SCN9A: variants seen among roughly 807,000 people sequenced by gnomAD.
SCN9A encodes the protein sodium channel protein type 9 subunit alpha.
Under a neutral mutation model 187.0 loss-of-function variants are expected in SCN9A, and 131 were observed. The observed-to-expected ratio is 0.70, with a 90% CI of 0.61 to 0.81. The LOEUF (loss-of-function observed/expected upper bound fraction) is 0.81. Among genes scored for constraint, SCN9A ranks in the 30% least tolerant of loss-of-function variants. The pLI, the probability that SCN9A is intolerant of heterozygous loss-of-function variation, is 0.00. For synonymous variants in SCN9A, 809 were observed against 808.6 expected (o/e 1.00, Z -0.01); for missense variants, 2,252 against 2,396.6 (o/e 0.94, Z 1.26).
rs111510277 is a variant in SCN9A at position 166,198,468 on chromosome 2, C to T, written c.*204G>A. The T allele has an allele frequency of 4.3e-3, 2,345 of 540,702 alleles. 46 individuals carry two copies. Among genetic ancestry groups the T allele is most frequent in the African/African-American group, 0.037 (1,989 of 53,072 alleles). 33.5% of individuals were successfully genotyped at this position (540,702 alleles called of 1,614,324 possible). ...TAATCAATAATTCCTACAGAGTTCTCTTACGATTCTTAAAGAATCATCAGT... is the reference window on the plus strand; with the variant it reads ...TAATCAATAATTCCTACAGAGTTCTTTTACGATTCTTAAAGAATCATCAGT... On this transcript the variant is annotated 3_prime_UTR_variant, in exon 27 of 27. Transcript: ENST00000642356.
At chr2:166,208,792 A>G (rs1693940490) in intron 24 of SCN9A, among the ~76,000 whole-genome samples, 1 of 152,224 alleles carries the variant, frequency 6.6e-6, no homozygotes, top group South Asian at 2.1e-4. Context: ...AAGTGGCAAC[A>G]TTGCATTGTG....
Position 166,316,593 on chromosome 2 carries a change from G to A in SCN9A, c.-50-4787C>T, listed in dbSNP as rs758499442. 4.6e-5 allele frequency among the ~76,000 whole-genome samples: 7 copies of A among 152,196 alleles called. 1 individual carries two copies. In the South Asian group the frequency reaches 1.4e-3, roughly 32 times the overall value. On this transcript the variant is annotated intron_variant, in intron 1 of 26. Transcript: ENST00000642356. ...GCCTATAGTCCCAGCTGCTCGGGAGGCTGAGGCAGAGAATGGCGTGAACCC... is the reference window on the plus strand; with the variant it reads ...GCCTATAGTCCCAGCTGCTCGGGAGACTGAGGCAGAGAATGGCGTGAACCC...
chr2:166,310,894 A>T (rs1698919105), intron 2 of SCN9A, among the ~76,000 whole-genome samples: 1 of 81,700 alleles, frequency 1.2e-5, no homozygotes, highest in Non-Finnish European at 2.6e-5. Context: ...TGGCTCATAT[A>T]CACCATGGAA....
intron 24 of SCN9A, among the ~76,000 whole-genome samples, chr2:166,225,745 A>G (rs1694819513): frequency 1.3e-5 from 2 of 152,144 alleles, no homozygotes; most frequent in African/African-American, 4.8e-5. Context: ...TGTGACTGGC[A>G]TCCTTACTAG....
intron 11 of SCN9A, 105 bp downstream of exon 11, chr2:166,286,231 A>G (rs1255372749): frequency 1.8e-6 from 2 of 1,088,040 alleles, no homozygotes; most frequent in Non-Finnish European, 1.3e-6. Context: ...AATCATACCA[A>G]TGAAATCACT....
chr2:166,308,718 C>T (rs1310382997), intron 2 of SCN9A, among the ~76,000 whole-genome samples: 2 of 151,832 alleles, frequency 1.3e-5, no homozygotes, highest in African/African-American at 2.4e-5. Context: ...GTCAGGAGAT[C>T]GAGACCATCC....
intron 24 of SCN9A, among the ~76,000 whole-genome samples, chr2:166,215,918 T>G (rs892706902): frequency 2.0e-5 from 3 of 151,934 alleles, no homozygotes; most frequent in African/African-American, 7.2e-5. Flanking sequence ...ATGAAAACCC[T>G]AAGAGTATGC....
In SCN9A at chr2:166,196,894, A is replaced by C. The variant is rs775434756; in HGVS notation, c.*1778T>G. 1.3e-5 allele frequency: 2 copies of C among 152,142 alleles called. No homozygotes were observed. Among genetic ancestry groups the C allele is most frequent in the African/African-American group, 4.8e-5 (2 of 41,466 alleles). 9.4% of individuals were successfully genotyped at this position (152,142 alleles called of 1,614,324 possible). The stretch of plus-strand genomic sequence containing the variant: ...AGATTAGGACAAATGTCTCAAAGTA[A>C]TAACGGATGTTGTAAAATATATCAC... On this transcript the variant is annotated 3_prime_UTR_variant, in exon 27 of 27. Coordinates refer to ENST00000642356, the MANE Select transcript of SCN9A (RefSeq NM_001365536.1).
At chr2:166,351,678 G>T (rs1014584306) in intron 1 of SCN9A, among the ~76,000 whole-genome samples, 1 of 152,116 alleles carries the variant, frequency 6.6e-6, no homozygotes, top group African/African-American at 2.4e-5. Context: ...GACCATCCAA[G>T]TCATTAGTCT....
At chr2:166,221,421 G>A (rs1694578427) in intron 24 of SCN9A, among the ~76,000 whole-genome samples, 2 of 152,126 alleles carry the variant, frequency 1.3e-5, no homozygotes, top group African/African-American at 4.8e-5. Flanking sequence ...TTTATTGAGA[G>A]AGAAGATCTC....
intron 19 of SCN9A, among the ~76,000 whole-genome samples, chr2:166,240,425 C>T (rs1695515936): frequency 6.6e-6 from 1 of 152,136 alleles, no homozygotes; most frequent in Non-Finnish European, 1.5e-5. Context: ...CCCTTTTCTT[C>T]CTCATATGAT....
intron 18 of SCN9A, among the ~76,000 whole-genome samples, chr2:166,250,323 G>A (rs923198827): frequency 1.3e-5 from 2 of 152,094 alleles, no homozygotes; most frequent in Admixed American, 6.6e-5. Flanking sequence ...GTATAAGATT[G>A]TTAACAGAAT....
chr2:166,236,609 G>T (rs2106400791), intron 20 of SCN9A, among the ~76,000 whole-genome samples: 1 of 152,150 alleles, frequency 6.6e-6, no homozygotes, highest in African/African-American at 2.4e-5. Flanking sequence ...TTTTAGTAGA[G>T]ACGGGGTTTC....
chr2:166,328,797 T>A (rs10930216), intron 1 of SCN9A, among the ~76,000 whole-genome samples: 152,291 of 152,292 alleles, frequency 1, 76,145 homozygotes, highest in Non-Finnish European at 1. Flanking sequence ...ACTATATAGG[T>A]TAAAATGCAT....
chr2:166,208,556 C>G (rs1558949202), intron 24 of SCN9A, among the ~76,000 whole-genome samples: 4 of 137,664 alleles, frequency 2.9e-5, no homozygotes, highest in Non-Finnish European at 6.3e-5. Flanking sequence ...ATCATGTAAT[C>G]TTCCTTTTTA....
Position 166,195,245 on chromosome 2 carries a change from C to G in SCN9A, c.*3427G>C, listed in dbSNP as rs1693212834. On this transcript the variant is annotated 3_prime_UTR_variant, in exon 27 of 27. Transcript: ENST00000642356. The stretch of plus-strand genomic sequence containing the variant: ...TACAATGTGTCAGTCTCAAGTATAA[C>G]TACAATATAACTACAATATAATTTA... 6.6e-6 allele frequency: 1 copy of G among 152,104 alleles called. No homozygotes were observed. Among genetic ancestry groups the G allele is most frequent in the East Asian group, 1.9e-4 (1 of 5,206 alleles). 9.4% of individuals were successfully genotyped at this position (152,104 alleles called of 1,614,324 possible). A position where few individuals can be genotyped will look rare whatever the true frequency, so the allele number is the denominator to read the frequency against.
intron 24 of SCN9A, among the ~76,000 whole-genome samples, chr2:166,219,041 G>T (rs781223151): frequency 6.6e-6 from 1 of 152,072 alleles, no homozygotes; most frequent in African/African-American, 2.4e-5. Context: ...AGTCAGAATG[G>T]CTATTATGAA....
intron 1 of SCN9A, among the ~76,000 whole-genome samples, chr2:166,362,417 A>G (rs1278196536): frequency 3.9e-5 from 6 of 152,006 alleles, no homozygotes; most frequent in Non-Finnish European, 8.8e-5. Flanking sequence ...GTTGTTGTTA[A>G]AAATATATTC....
chr2:166,271,617 G>T (rs544826608), intron 17 of SCN9A, among the ~76,000 whole-genome samples: 3 of 152,182 alleles, frequency 2.0e-5, no homozygotes, highest in Admixed American at 2.0e-4. Flanking sequence ...AGCAACTGGG[G>T]AAAAAGTTTG....
Sources: allele counts gnomAD v4.1 joint callset (sites outside exome capture counted in the v4.1 genomes callset), GRCh38; gene constraint gnomAD v4.1.1; transcripts MANE v1.5; gene names NCBI Gene and HGNC (gene_info 2026-07-23, HGNC 2026-07-21).